Variants in MARK1 observed in about 807,000 individuals in gnomAD.
The protein encoded by MARK1 is microtubule affinity regulating kinase 1, also known as serine/threonine-protein kinase MARK1.
Under a neutral mutation model 96.3 loss-of-function variants are expected in MARK1, and 40 were observed. That is an observed-to-expected ratio of 0.42 (90% CI 0.32 to 0.54). MARK1 has a LOEUF of 0.54. MARK1 is among the 20% of genes least tolerant of loss of function. The probability of loss-of-function intolerance (pLI) is 0.16; values close to 1 mark genes in which losing one functional copy is unlikely to be tolerated. For synonymous variants in MARK1, 317 were observed against 341.2 expected (o/e 0.93, Z 0.78); for missense variants, 719 against 984.6 (o/e 0.73, Z 3.61).
chr1:220,561,187 G>A (rs771166822), intron 1 of MARK1, among the ~76,000 whole-genome samples: 2 of 152,122 alleles, frequency 1.3e-5, no homozygotes, highest in African/African-American at 2.4e-5. Context: ...AGGCTTTGAG[G>A]TTAAAGAAAG....
At chr1:220,632,341 G>A in intron 11 of MARK1, 28 bp downstream of exon 11, 1 of 1,039,836 alleles carries the variant, frequency 9.6e-7, no homozygotes, top group South Asian at 1.6e-5. Context: ...TCAGATTACT[G>A]TGAATTATTT....
At position 220,556,194 on chromosome 1, in the gene MARK1, A is replaced by G. The variant is rs558085378; in HGVS notation, c.52-23160A>G. 1.9e-3 allele frequency among the ~76,000 whole-genome samples: 282 copies of G among 152,282 alleles called. 1 individual carries two copies. The highest frequency in any genetic ancestry group is 6.5e-3 in the African/African-American group (270 of 41,562). ...CTCCTGTATGAAGCTCAAAGCCTTG[A>G]TAGCTCTGTCTCCCTGCAAAGAAAG... On this transcript the variant is annotated intron_variant, in intron 1 of 17. Transcript: ENST00000366917.
Position 220,613,004 on chromosome 1 carries a change from T to C in MARK1, c.496-2935T>C, listed in dbSNP as rs148037934. On this transcript the variant is annotated intron_variant, in intron 6 of 17. Transcript: ENST00000366917. Reference sequence around the variant, plus strand: ...AGTATTAACAATTGCAAAGTAACCGTGATAACTCCACCTCAATGGAAAACA... The same window carrying C: ...AGTATTAACAATTGCAAAGTAACCGCGATAACTCCACCTCAATGGAAAACA... Among the ~76,000 whole-genome samples, 267 of 152,288 alleles carry C rather than the reference T, an allele frequency of 1.8e-3. 1 individual carries two copies. The highest frequency in any genetic ancestry group is 6.1e-3 in the African/African-American group (252 of 41,556).
chr1:220,622,143 T>C (rs1667083216), intron 9 of MARK1, among the ~76,000 whole-genome samples: 1 of 152,198 alleles, frequency 6.6e-6, no homozygotes, highest in Non-Finnish European at 1.5e-5. Flanking sequence ...CTTTATGTTG[T>C]ACACTAGGGT....
At chr1:220,571,696 C>T (rs1437056307) in intron 1 of MARK1, 1 of 152,164 alleles carries the variant, frequency 6.6e-6, no homozygotes, top group Admixed American at 6.5e-5. Context: ...TGTTCCTATA[C>T]AGATGTAACT....
intron 16 of MARK1, among the ~76,000 whole-genome samples, chr1:220,653,870 A>G (rs1227468751): frequency 1.3e-5 from 2 of 152,204 alleles, no homozygotes; most frequent in Non-Finnish European, 2.9e-5. Context: ...TAAAGGTCTA[A>G]TCTACTTAAA....
intron 1 of MARK1, among the ~76,000 whole-genome samples, chr1:220,533,073 A>G (rs1660433438): frequency 6.6e-6 from 1 of 152,184 alleles, no homozygotes; most frequent in Non-Finnish European, 1.5e-5. Flanking sequence ...TATTAGAGGA[A>G]GAACAGGGTA....
intron 1 of MARK1, among the ~76,000 whole-genome samples, chr1:220,544,263 A>G (rs372708686): frequency 1.3e-5 from 2 of 152,338 alleles, no homozygotes; most frequent in Middle Eastern, 3.4e-3. Flanking sequence ...TGTGCCTCCC[A>G]AAAGTTTGTG....
At chr1:220,563,347 T>C (rs1662806497) in intron 1 of MARK1, among the ~76,000 whole-genome samples, 1 of 152,238 alleles carries the variant, frequency 6.6e-6, no homozygotes, top group Admixed American at 6.5e-5. Context: ...TAACATTTAT[T>C]GAATGCTTAG....
intron 3 of MARK1, among the ~76,000 whole-genome samples, chr1:220,597,221 T>C (rs1161109821): frequency 6.6e-6 from 1 of 152,166 alleles, no homozygotes; most frequent in Non-Finnish European, 1.5e-5. Context: ...TTTGGGTATA[T>C]GACATATACC....
intron 1 of MARK1, among the ~76,000 whole-genome samples, chr1:220,551,710 A>AG (rs961224622): frequency 3.3e-5 from 5 of 152,212 alleles, no homozygotes; most frequent in Admixed American, 1.3e-4. Flanking sequence ...AAGAAAAAAA[A>AG]GAATTGGTTA....
Position 220,632,326 on chromosome 1 carries a change from C to T in MARK1, c.1122+13C>T. On this transcript the variant is annotated intron_variant, in intron 11 of 17. Coordinates refer to ENST00000366917, the MANE Select transcript of MARK1 (RefSeq NM_018650.5). The stretch of plus-strand genomic sequence containing the variant: ...AAAACCACCTGAAGTAAGTTTTTCA[C>T]CTTTTCAGATTACTGTGAATTATTT... 2 of 1,196,088 alleles carry T rather than the reference C, an allele frequency of 1.7e-6. No homozygotes were observed. Among genetic ancestry groups the T allele is most frequent in the South Asian group, 3.0e-5 (2 of 66,936 alleles). 74.1% of individuals were successfully genotyped at this position (1,196,088 alleles called of 1,614,324 possible).
intron 3 of MARK1, 100 bp from the exon 4 acceptor site, chr1:220,598,230 AT>A: frequency 2.4e-6 from 1 of 422,166 alleles, no homozygotes; most frequent in Admixed American, 3.1e-5. Flanking sequence ...ATCCTGTAGC[AT>A]TTTGTAAGCA....
chr1:220,653,081 A>G lies in MARK1; in HGVS notation c.1737-20A>G, dbSNP rs1668970449. On this transcript the variant is annotated intron_variant, in intron 15 of 17. Coordinates refer to ENST00000366917, the MANE Select transcript of MARK1 (RefSeq NM_018650.5). ...TTCTTGTCATTATTCTGAATGATAT[A>G]TCTTAATTTGTCCCAGCAGTACAAC... 1 of 1,612,650 alleles carries G rather than the reference A, an allele frequency of 6.2e-7. No homozygotes were observed. The highest frequency in any genetic ancestry group is 1.3e-5 in the African/African-American group (1 of 75,002).
intron 3 of MARK1, among the ~76,000 whole-genome samples, chr1:220,595,969 A>G (rs1437641703): frequency 1.3e-5 from 2 of 152,210 alleles, no homozygotes; most frequent in African/African-American, 4.8e-5. Context: ...TGACAGACAT[A>G]TGGAGCTGGG....
chr1:220,609,411 A>T (rs1046124254), intron 6 of MARK1, among the ~76,000 whole-genome samples: 1 of 151,990 alleles, frequency 6.6e-6, no homozygotes, highest in Non-Finnish European at 1.5e-5. Context: ...TGCTTGGTAG[A>T]TCTTCCTCCA....
At position 220,652,056 on chromosome 1, in the gene MARK1, C is replaced by A; in HGVS notation, c.1642C>A (p.Arg548=). The A allele has an allele frequency of 6.2e-7, 1 of 1,613,706 alleles. No individual in the cohort carries two copies. Reference sequence around the variant, plus strand: ...TGTGGCCTCTGCTGTCCCCTCAGCACGACCCCGCCACCAGAAGTCCATGTC... The same window carrying A: ...TGTGGCCTCTGCTGTCCCCTCAGCAAGACCCCGCCACCAGAAGTCCATGTC... ...SSVASAVPSA[R]PRHQKSMSTS... is the part of the protein sequence containing the mutation. Residue 548 remains arginine, a synonymous_variant, in exon 15 of 18, where the codon CGA becomes AGA. Coordinates refer to ENST00000366917, the MANE Select transcript of MARK1 (RefSeq NM_018650.5).
chr1:220,581,412 T>C (rs899025489), intron 3 of MARK1, among the ~76,000 whole-genome samples: 1 of 152,188 alleles, frequency 6.6e-6, no homozygotes, highest in Admixed American at 6.5e-5. Flanking sequence ...TTCAAATATT[T>C]TGAAGTATTT....
intron 13 of MARK1, among the ~76,000 whole-genome samples, chr1:220,641,944 C>T (rs1466300130): frequency 6.6e-6 from 1 of 152,210 alleles, no homozygotes. Context: ...TGAGCCTACA[C>T]CACCAGAGCC....
Sources: gnomAD v4.1 joint callset for allele counts (sites outside exome capture counted in the v4.1 genomes callset) on GRCh38, gnomAD v4.1.1 for gene constraint, MANE v1.5 for transcripts, NCBI Gene and HGNC (gene_info 2026-07-23, HGNC 2026-07-21) for gene names.